The following MEX3C variants were observed in gnomAD, a reference collection of about 807,000 sequenced individuals.
The protein encoded by MEX3C is mex-3 RNA binding family member C.
Under a neutral mutation model 35.5 loss-of-function variants are expected in MEX3C, and 15 were observed. The observed-to-expected ratio is 0.42, with a 90% CI of 0.28 to 0.65. The LOEUF is 0.65. MEX3C is among the 30% of genes least tolerant of loss of function. MEX3C has a pLI of 0.20. For synonymous variants in MEX3C, 390 were observed against 352.8 expected (o/e 1.11, Z -1.18); for missense variants, 711 against 842.8 (o/e 0.84, Z 1.94).
chr18:51,196,376 G>C, intron 1 of MEX3C, 191 bp downstream of exon 1: 3 of 1,283,410 alleles, frequency 2.3e-6, no homozygotes, highest in Non-Finnish European at 3.1e-6. Context: ...GGCAAGACGG[G>C]CGGAAAAGCG....
In MEX3C at chr18:51,176,465, T is replaced by G. The variant is rs766368961; in HGVS notation, c.1866A>C (p.Pro622=). 6.2e-7 allele frequency: 1 copy of G among 1,613,890 alleles called. No homozygotes were observed. Among genetic ancestry groups the G allele is most frequent in the Non-Finnish European group, 8.5e-7 (1 of 1,179,906 alleles). ...FENEVIAALV[P]CGHNLFCMEC... is the part of the protein sequence containing the mutation. ...CCATGCAGAAGAGGTTGTGGCCACA[T>G]GGAACTAGGGCAGCAATAACCTCAT... Residue 622 remains proline (P), a synonymous_variant, in exon 2 of 2, where the codon CCA becomes CCC. Coordinates refer to ENST00000406189, the MANE Select transcript of MEX3C (RefSeq NM_016626.5).
intron 1 of MEX3C, among the ~76,000 whole-genome samples, chr18:51,181,955 T>A (rs1864979390): frequency 6.6e-6 from 1 of 152,228 alleles, no homozygotes; most frequent in African/African-American, 2.4e-5. Flanking sequence ...GCTACTGATA[T>A]TATTTTAAAT....
rs1280339797 is a variant in MEX3C, at chr18:51,175,168, A to T, written c.*1183T>A. ...TCAATTTTCATTATACCGAGAAAAA[A>T]GCTCTTTTGTGTTGGGAAAATAATG... On this transcript the variant is annotated 3_prime_UTR_variant, in exon 2 of 2. Transcript: ENST00000406189. 3 of 152,642 alleles carry T rather than the reference A, an allele frequency of 2.0e-5. No homozygotes were observed. The highest frequency in any genetic ancestry group is 4.4e-5 in the Non-Finnish European group (3 of 68,042). 9.5% of individuals were successfully genotyped at this position (152,642 alleles called of 1,614,324 possible).
At chr18:51,181,778 C>G (rs1313063842) in intron 1 of MEX3C, among the ~76,000 whole-genome samples, 1 of 152,078 alleles carries the variant, frequency 6.6e-6, no homozygotes, top group Non-Finnish European at 1.5e-5. Context: ...AGGAGGGAGG[C>G]AGTTTTCACT....
In MEX3C at chr18:51,176,036, T is replaced by C. The variant is rs1304032748; in HGVS notation, c.*315A>G. 1.3e-5 allele frequency: 3 copies of C among 223,326 alleles called. No individual in the cohort carries two copies. The highest frequency in any genetic ancestry group is 1.8e-5 in the Non-Finnish European group (2 of 113,588). 13.8% of individuals were successfully genotyped at this position (223,326 alleles called of 1,614,324 possible). ...TTGAAATCTTAGACGTATACACTTTTTCATAGGCTCACACAACCTATGATT... is the reference window on the plus strand; with the variant it reads ...TTGAAATCTTAGACGTATACACTTTCTCATAGGCTCACACAACCTATGATT... On this transcript the variant is annotated 3_prime_UTR_variant, in exon 2 of 2. Coordinates refer to ENST00000406189, the MANE Select transcript of MEX3C (RefSeq NM_016626.5).
rs560005480 is a variant in MEX3C at position 51,175,073 on chromosome 18, C to T, written c.*1278G>A. On this transcript the variant is annotated 3_prime_UTR_variant, in exon 2 of 2. Coordinates refer to ENST00000406189, the MANE Select transcript of MEX3C (RefSeq NM_016626.5). ...AAACCGTTATTTGTAAACTTTTATA[C>T]GAAATGTAACTCTTCAAGTGGAAAT... The T allele has an allele frequency of 1.4e-4, 21 of 152,526 alleles. No individual in the cohort carries two copies. Among genetic ancestry groups the T allele is most frequent in the East Asian group, 3.9e-4 (2 of 5,182 alleles). 9.4% of individuals were successfully genotyped at this position (152,526 alleles called of 1,614,324 possible).
intron 1 of MEX3C, chr18:51,195,856 T>A (rs1189755532): frequency 6.6e-6 from 1 of 152,374 alleles, no homozygotes; most frequent in East Asian, 1.9e-4. Context: ...TATAAACCGA[T>A]GAAGTTTCTT....
chr18:51,196,787 C>T lies in MEX3C; in HGVS notation c.534G>A (p.Ala178=), dbSNP rs1182206121. Residue 178 remains alanine, a synonymous_variant, in exon 1 of 2, where the codon GCG becomes GCA. Transcript: ENST00000406189. ...GCACCCCCGCCGCCGCCGCCGCGGC[C>T]GCCGCCTCCCGGGCATCGAACCTGG... ...PAARFDAREA[A]AAAAAAGVLY... 2.6e-6 allele frequency: 4 copies of T among 1,523,330 alleles called. No individual in the cohort carries two copies. The highest frequency in any genetic ancestry group is 3.5e-6 in the Non-Finnish European group (4 of 1,140,500). The allele number at this position is 1,523,330 out of a possible 1,614,324, so 94.4% of individuals were successfully genotyped here.
rs377338951 is a variant in MEX3C, at chr18:51,177,347, G to A, written c.984C>T (p.Thr328=). The A allele has an allele frequency of 2.4e-5, 39 of 1,613,832 alleles. No homozygotes were observed. The highest frequency in any genetic ancestry group is 1.6e-4 in the East Asian group (7 of 44,884). Residue 328 remains threonine (T), a synonymous_variant, in exon 2 of 2, where the codon ACC becomes ACT. Transcript: ENST00000406189. This position sits in a 1 kb window ranked among gnomAD's most constrained non-coding sequence, Gnocchi z 4.2. ...SCSPNLPGQT[T]VQVRVPYRVV... is the part of the protein sequence containing the mutation. Reference sequence around the variant, plus strand: ...CACGATAAGGGACCCTGACTTGGACGGTGGTTTGACCGGGCAGATTAGGAC... The same window carrying A: ...CACGATAAGGGACCCTGACTTGGACAGTGGTTTGACCGGGCAGATTAGGAC...
At chr18:51,178,446 T>C (rs1324004965) in intron 1 of MEX3C, among the ~76,000 whole-genome samples, 2 of 152,098 alleles carry the variant, frequency 1.3e-5, no homozygotes, top group African/African-American at 4.8e-5. Flanking sequence ...CTTCAAACTG[T>C]AACTTAAAAT....
intron 1 of MEX3C, among the ~76,000 whole-genome samples, chr18:51,183,895 A>C (rs947787725): frequency 1.2e-4 from 19 of 152,252 alleles, no homozygotes; most frequent in Admixed American, 3.3e-4. Context: ...GCTATATGGG[A>C]GGCTAATAAG....
In MEX3C at chr18:51,197,596, CT is replaced by C. The variant is rs980725572; in HGVS notation, c.-277del. ...GCTGGTGGAGGTGGCAGCGGCTCCC[CT>C]CTCAGTGTTTCTTTTGTTTCATGGC... is the stretch of plus-strand genomic sequence containing the variant. On this transcript the variant is annotated 5_prime_UTR_variant, in exon 1 of 2. Transcript: ENST00000406189. Among the ~76,000 whole-genome samples the C allele has an allele frequency of 1.1e-3, 171 of 151,272 alleles. No individual in the cohort carries two copies. Among genetic ancestry groups the C allele is most frequent in the Non-Finnish European group, 2.2e-3 (147 of 67,626 alleles).
chr18:51,196,636 T>C lies in MEX3C; in HGVS notation c.685A>G (p.Ser229Gly). The C allele has an allele frequency of 6.3e-7, 1 of 1,585,372 alleles. No individual in the cohort carries two copies. The highest frequency in any genetic ancestry group is 8.5e-7 in the Non-Finnish European group (1 of 1,171,622). Reference sequence around the variant, plus strand: ...GGGACGCACTCGGTGGTGTTGACGCTCTTTCTCCGGAGCAGGGCCGCCTGC... The same window carrying C: ...GGGACGCACTCGGTGGTGTTGACGCCCTTTCTCCGGAGCAGGGCCGCCTGC... ...GEQAALLRRK[S>G]VNTTECVPVP... Residue 229 changes from serine to glycine, a missense_variant, in exon 1 of 2, where the codon AGC (serine) becomes GGC (glycine). Physicochemically the swap from Ser to Gly is moderately conservative, Grantham distance 56. Transcript: ENST00000406189.
At chr18:51,184,854 G>A (rs1365239832) in intron 1 of MEX3C, among the ~76,000 whole-genome samples, 2 of 140,786 alleles carry the variant, frequency 1.4e-5, no homozygotes, top group African/African-American at 5.0e-5. Flanking sequence ...GTGAGACCCT[G>A]ACCCAAAGAA....
intron 1 of MEX3C, among the ~76,000 whole-genome samples, chr18:51,181,832 T>C (rs1306472630): frequency 1.3e-5 from 2 of 152,220 alleles, no homozygotes; most frequent in East Asian, 3.8e-4. Flanking sequence ...GAGTCATACA[T>C]ACACATTACT....
intron 1 of MEX3C, chr18:51,193,238 G>GACTTT (rs1912694290): frequency 6.6e-6 from 1 of 152,052 alleles, no homozygotes; most frequent in Admixed American, 6.6e-5. Context: ...AGCTAGAGAC[G>GACTTT]ACTTTTCTAG....
chr18:51,196,975 C>T lies in MEX3C; in HGVS notation c.346G>A (p.Glu116Lys), dbSNP rs1329671486. 6 of 1,539,912 alleles carry T rather than the reference C, an allele frequency of 3.9e-6. No individual in the cohort carries two copies. Among genetic ancestry groups the T allele is most frequent in the African/African-American group, 1.4e-5 (1 of 71,536 alleles). Residue 116 changes from glutamate to lysine, a missense_variant, in exon 1 of 2, where the codon GAG becomes AAG. By Grantham distance (56) the Glu-to-Lys change is moderately conservative. Transcript: ENST00000406189. Reference protein sequence around the residue: ...LELEEDEEEGEEAELDGDLLE... With the variant: ...LELEEDEEEGKEAELDGDLLE... ...AGGTCTCCGTCCAGCTCCGCTTCCT[C>T]CCCCTCCTCCTCGTCCTCTTCCAGC...
chr18:51,185,335 G>A (rs1912514993), intron 1 of MEX3C, among the ~76,000 whole-genome samples: 1 of 152,160 alleles, frequency 6.6e-6, no homozygotes, highest in Non-Finnish European at 1.5e-5. Flanking sequence ...AATGGAGGCT[G>A]AGTCCTTCTC....
At chr18:51,189,992 A>C (rs1912620469) in intron 1 of MEX3C, among the ~76,000 whole-genome samples, 1 of 152,214 alleles carries the variant, frequency 6.6e-6, no homozygotes, top group Non-Finnish European at 1.5e-5. Context: ...TTTAGCAGTA[A>C]AAATTTACCT....
Sources: allele counts gnomAD v4.1 joint callset (sites outside exome capture counted in the v4.1 genomes callset), GRCh38; gene constraint gnomAD v4.1.1; non-coding constraint Gnocchi (gnomAD v3.1); transcripts MANE v1.5; gene names NCBI Gene and HGNC (gene_info 2026-07-23, HGNC 2026-07-21).